SLCO4A1: variants seen among roughly 807,000 people sequenced by gnomAD.
SLCO4A1 encodes the protein solute carrier organic anion transporter family member 4A1, also known as colon organic anion transporter.
A neutral mutation model predicts 64.6 loss-of-function variants in SLCO4A1; 51 were observed. That is an observed-to-expected ratio of 0.79 (90% CI 0.63 to 1.00). The LOEUF (loss-of-function observed/expected upper bound fraction) is 1.00. SLCO4A1 is among the 50% of genes least tolerant of loss of function. The probability of loss-of-function intolerance (pLI) is 0.00; values close to 1 mark genes in which losing one functional copy is unlikely to be tolerated. For missense variants in SLCO4A1, 919 were observed against 980.5 expected (o/e 0.94, Z 0.84); for synonymous variants, 471 against 444.9 (o/e 1.06, Z -0.74).
intron 1 of SLCO4A1, among the ~76,000 whole-genome samples, chr20:62,647,006 T>C (rs1308982983): frequency 1.3e-5 from 2 of 152,252 alleles, no homozygotes; most frequent in Non-Finnish European, 2.9e-5. Context: ...GGCTCCCTCT[T>C]GCTCAGACAA....
chr20:62,658,128 C>T (rs1304239171), intron 2 of SLCO4A1, among the ~76,000 whole-genome samples: 1 of 152,248 alleles, frequency 6.6e-6, no homozygotes, highest in African/African-American at 2.4e-5. Context: ...CGGGGAGCAG[C>T]TGGCCCCAGC....
At chr20:62,653,731 G>C (rs1290922083) in intron 1 of SLCO4A1, among the ~76,000 whole-genome samples, 2 of 152,204 alleles carry the variant, frequency 1.3e-5, no homozygotes, top group Non-Finnish European at 2.9e-5. Flanking sequence ...ACACCTGTTT[G>C]CCTCCGTGGG....
chr20:62,667,968 C>T (rs749597524), intron 8 of SLCO4A1, 44 bp from the exon 9 acceptor site: 3 of 1,613,818 alleles, frequency 1.9e-6, no homozygotes, highest in Admixed American at 1.7e-5. Flanking sequence ...GAAGGGGCCC[C>T]CGTGCCTTCC....
rs766421473 is a variant in SLCO4A1 at position 62,660,460 on chromosome 20, C to G, written c.936C>G (p.Val312=). ...ESPLWVGAWW[V]GFLGSGAAAF... ...CACTGTGGGTCGGCGCCTGGTGGGT[C>G]GGCTTCCTGGGCTCTGGGGCCGCTG... Residue 312 remains valine (V), a synonymous_variant, in exon 4 of 12, where the codon GTC becomes GTG. Coordinates refer to ENST00000217159, the MANE Select transcript of SLCO4A1 (RefSeq NM_016354.4). 6.2e-7 allele frequency: 1 copy of G among 1,602,158 alleles called. No individual in the cohort carries two copies. The highest frequency in any genetic ancestry group is 8.5e-7 in the Non-Finnish European group (1 of 1,179,892).
chr20:62,651,091 G>A (rs899885066), intron 1 of SLCO4A1, among the ~76,000 whole-genome samples: 8 of 152,212 alleles, frequency 5.3e-5, no homozygotes, highest in African/African-American at 1.9e-4. Context: ...CCTGCCCAGC[G>A]TCACTCCACA....
At chr20:62,655,874 G>A (rs1368064787) in intron 1 of SLCO4A1, among the ~76,000 whole-genome samples, 1 of 152,192 alleles carries the variant, frequency 6.6e-6, no homozygotes, top group Non-Finnish European at 1.5e-5. Flanking sequence ...ACAAGGTCAG[G>A]CTCCAGGACC....
rs745615461 is a variant in SLCO4A1 at position 62,657,105 on chromosome 20, G to A, written c.651G>A (p.Ala217=). ...CTGCCAACCCCGGCGCGGTGTGTGCGGACAGCACCTCGGGCCTGTCCCGCT... is the reference window on the plus strand; with the variant it reads ...CTGCCAACCCCGGCGCGGTGTGTGCAGACAGCACCTCGGGCCTGTCCCGCT... ...TCPANPGAVC[A]DSTSGLSRYQ... Residue 217 remains alanine (A), a synonymous_variant, in exon 2 of 12, where the codon GCG becomes GCA. Transcript: ENST00000217159. 84 of 1,593,864 alleles carry A rather than the reference G, an allele frequency of 5.3e-5. No homozygotes were observed. The highest frequency in any genetic ancestry group is 6.7e-5 in the Non-Finnish European group (79 of 1,172,484).
rs546973713 is a variant in SLCO4A1, at chr20:62,666,338, C to T, written c.1277-42C>T. 74 of 1,576,108 alleles carry T rather than the reference C, an allele frequency of 4.7e-5. No homozygotes were observed. In the Middle Eastern group the frequency reaches 1.1e-3, roughly 23 times the overall value. ...GATCCACCACCCTCTCCCACCACGGCCCCCTGCCTGAGTCCCTGGCTGAAT... is the reference window on the plus strand; with the variant it reads ...GATCCACCACCCTCTCCCACCACGGTCCCCTGCCTGAGTCCCTGGCTGAAT... On this transcript the variant is annotated intron_variant, in intron 6 of 11. Transcript: ENST00000217159.
intron 7 of SLCO4A1, 82 bp from the exon 8 acceptor site, chr20:62,667,663 G>T (rs1213461011): frequency 6.8e-7 from 1 of 1,481,458 alleles, no homozygotes; most frequent in Non-Finnish European, 9.1e-7. Context: ...ATGGGGACGA[G>T]CCCCATGGCT....
chr20:62,658,440 C>T (rs906418860), intron 2 of SLCO4A1, among the ~76,000 whole-genome samples: 1 of 152,232 alleles, frequency 6.6e-6, no homozygotes, highest in Admixed American at 6.5e-5. Context: ...TTTGCCCTTT[C>T]GTAAGGGAAA....
chr20:62,663,304 A>C (rs1985402775), intron 5 of SLCO4A1: 1 of 152,304 alleles, frequency 6.6e-6, no homozygotes, highest in South Asian at 2.1e-4. Context: ...AGAGCATTTG[A>C]ATGTTCCAGG....
At chr20:62,659,825 C>T (rs1449840213) in intron 3 of SLCO4A1, among the ~76,000 whole-genome samples, 5 of 152,236 alleles carry the variant, frequency 3.3e-5, no homozygotes, top group African/African-American at 4.8e-5. Flanking sequence ...GACACATCCC[C>T]GAAAGCCCAG....
chr20:62,676,862 C>T (rs1160100544), downstream of SLCO4A1, among the ~76,000 whole-genome samples: 1 of 152,240 alleles, frequency 6.6e-6, no homozygotes, highest in East Asian at 1.9e-4. Context: ...CAATGTTGCT[C>T]ATAACAGTCA....
At chr20:62,668,378 A>G (rs997192400) in intron 9 of SLCO4A1, 99 bp from the exon 10 acceptor site, 113 of 1,335,178 alleles carry the variant, frequency 8.5e-5, no homozygotes, top group Non-Finnish European at 1.1e-4. Context: ...GGGGGTGATG[A>G]TGTGGCTGGG....
intron 3 of SLCO4A1, among the ~76,000 whole-genome samples, chr20:62,659,234 G>A (rs1368926743): frequency 6.6e-6 from 1 of 152,170 alleles, no homozygotes; most frequent in Non-Finnish European, 1.5e-5. Flanking sequence ...CAGAGGGACA[G>A]AAAGAAGACA....
intron 7 of SLCO4A1, among the ~76,000 whole-genome samples, chr20:62,666,948 G>T (rs1986462634): frequency 6.6e-6 from 1 of 152,232 alleles, no homozygotes; most frequent in Admixed American, 6.5e-5. Context: ...GAGTTGCCAT[G>T]TGCTGGGAGT....
rs376444706 is a variant in SLCO4A1 at position 62,667,835 on chromosome 20, G to A, written c.1563G>A (p.Ser521=). 77 of 1,613,272 alleles carry A rather than the reference G, an allele frequency of 4.8e-5. No individual in the cohort carries two copies. The South Asian group carries it at 6.1e-4, about 13-fold the overall frequency. The change falls in exon 8 of 12, where the codon TCG becomes TCA. Residue 521 remains serine, a synonymous_variant. Coordinates refer to ENST00000217159, the MANE Select transcript of SLCO4A1 (RefSeq NM_016354.4). ...AACACTACAGCCCTGTGTGCGGCTCGGACGGCCTCATGTACTTCTCACTGT... is the reference window on the plus strand; with the variant it reads ...AACACTACAGCCCTGTGTGCGGCTCAGACGGCCTCATGTACTTCTCACTGT... ...QPEHYSPVCG[S]DGLMYFSLCH...
intron 2 of SLCO4A1, among the ~76,000 whole-genome samples, chr20:62,678,165 C>T (rs961946863): frequency 5.9e-5 from 9 of 152,156 alleles, no homozygotes; most frequent in African/African-American, 2.2e-4. Context: ...ATGCCCTGGG[C>T]GAGCGGCGAC....
At chr20:62,690,493 G>A (rs1303846681), downstream of SLCO4A1, among the ~76,000 whole-genome samples, 5 of 152,314 alleles carry the variant, frequency 3.3e-5, no homozygotes, top group African/African-American at 1.2e-4. Flanking sequence ...GCAGGCCAGA[G>A]CCCTGGCTGT....
Sources: gnomAD v4.1 joint callset for allele counts (sites outside exome capture counted in the v4.1 genomes callset) on GRCh38, gnomAD v4.1.1 for gene constraint, MANE v1.5 for transcripts, NCBI Gene and HGNC (gene_info 2026-07-23, HGNC 2026-07-21) for gene names.